SCHIP1: variants seen among roughly 807,000 people sequenced by gnomAD.
SCHIP1 encodes schwannomin-interacting protein 1.
A neutral mutation model predicts 29.7 loss-of-function variants in SCHIP1; 8 were observed. That is an observed-to-expected ratio of 0.27 (90% CI 0.16 to 0.49). The LOEUF (loss-of-function observed/expected upper bound fraction) is 0.49, where lower values mean the gene tolerates loss of function less well. Among genes scored for constraint, SCHIP1 ranks in the 20% least tolerant of loss-of-function variants. SCHIP1 has a pLI of 0.99. For synonymous variants in SCHIP1, 76 were observed against 94.9 expected, an observed-to-expected ratio of 0.80 and a Z score of 1.16; for missense variants, 193 against 294.6, an observed-to-expected ratio of 0.66 and a Z score of 2.52.
At chr3:159,575,752 C>G in the SCHIP1 span, among the ~76,000 whole-genome samples, 1 of 152,038 alleles carries the variant, frequency 6.6e-6, no homozygotes, top group Non-Finnish European at 1.5e-5. Flanking sequence ...TTTTAATTAC[C>G]TTTAAAATGT....
At chr3:159,883,437 G>A (rs1716646035) in intron 2 of SCHIP1, among the ~76,000 whole-genome samples, 1 of 152,038 alleles carries the variant, frequency 6.6e-6, no homozygotes, top group Admixed American at 6.5e-5. Flanking sequence ...GGTGGGCAGG[G>A]TCCTGGAACA....
the SCHIP1 span, among the ~76,000 whole-genome samples, chr3:159,329,746 A>G: frequency 6.6e-6 from 1 of 152,154 alleles, no homozygotes; most frequent in Admixed American, 6.5e-5. Context: ...ACAATCGAAA[A>G]CTGTATGTAG....
the SCHIP1 span, among the ~76,000 whole-genome samples, chr3:159,619,447 C>T: frequency 1.3e-5 from 2 of 152,172 alleles, no homozygotes; most frequent in East Asian, 1.9e-4. Context: ...GAGGGATTAA[C>T]AGACACTGAA....
the SCHIP1 span, among the ~76,000 whole-genome samples, chr3:159,649,299 C>T: frequency 6.6e-6 from 1 of 152,110 alleles, no homozygotes; most frequent in African/African-American, 2.4e-5. Flanking sequence ...TCTCTCTCTA[C>T]CCCAAAAGTG....
the SCHIP1 span, among the ~76,000 whole-genome samples, chr3:159,766,052 G>C: frequency 8.5e-5 from 13 of 152,108 alleles, no homozygotes; most frequent in Non-Finnish European, 1.8e-4. Context: ...CCATCATGAA[G>C]GTAGCTCCCC....
chr3:159,496,455 T>G, the SCHIP1 span, among the ~76,000 whole-genome samples: 3 of 152,018 alleles, frequency 2.0e-5, no homozygotes, highest in African/African-American at 2.4e-5. Flanking sequence ...GATATGAACA[T>G]ACACTTCTCA....
At chr3:159,831,083 G>A in the SCHIP1 span, among the ~76,000 whole-genome samples, 1 of 152,156 alleles carries the variant, frequency 6.6e-6, no homozygotes, top group Admixed American at 6.5e-5. Context: ...ATTCCCTCTG[G>A]CTTCCTCTGT....
the SCHIP1 span, among the ~76,000 whole-genome samples, chr3:159,666,811 G>C: frequency 2.6e-5 from 4 of 152,212 alleles, no homozygotes; most frequent in Non-Finnish European, 4.4e-5. Flanking sequence ...CTTGGCCAGA[G>C]AGCAATGGTG....
chr3:159,309,617 G>C, the SCHIP1 span, among the ~76,000 whole-genome samples: 3 of 152,066 alleles, frequency 2.0e-5, no homozygotes, highest in Non-Finnish European at 4.4e-5. Context: ...CAGGTTATCA[G>C]ATCATACACT....
the SCHIP1 span, among the ~76,000 whole-genome samples, chr3:159,672,056 A>C: frequency 1.3e-5 from 2 of 152,232 alleles, no homozygotes; most frequent in Non-Finnish European, 2.9e-5. Flanking sequence ...TTGGAACCTC[A>C]AATGTCACTA....
the SCHIP1 span, among the ~76,000 whole-genome samples, chr3:159,759,664 A>ATT: frequency 6.6e-6 from 1 of 152,172 alleles, no homozygotes; most frequent in Non-Finnish European, 1.5e-5. Context: ...GGGCTGTTAA[A>ATT]TATCTCCATG....
chr3:159,589,072 C>T, the SCHIP1 span, among the ~76,000 whole-genome samples: 1 of 152,148 alleles, frequency 6.6e-6, no homozygotes, highest in Non-Finnish European at 1.5e-5. Flanking sequence ...CCATTTTTCA[C>T]AACATTGATT....
the SCHIP1 span, among the ~76,000 whole-genome samples, chr3:159,580,969 T>C: frequency 6.6e-6 from 1 of 152,160 alleles, no homozygotes; most frequent in Non-Finnish European, 1.5e-5. Flanking sequence ...AAAAATTGTG[T>C]CTCTTTTTAG....
the SCHIP1 span, among the ~76,000 whole-genome samples, chr3:159,734,135 C>CT: frequency 0.018 from 1,797 of 100,930 alleles, 46 homozygotes; most frequent in African/African-American, 0.029. Flanking sequence ...TTATTGTTTA[C>CT]TTTTTTTTTT....
At chr3:159,746,097 A>C in the SCHIP1 span, among the ~76,000 whole-genome samples, 17 of 152,230 alleles carry the variant, frequency 1.1e-4, no homozygotes, top group Admixed American at 1.0e-3. Context: ...GTACTATACA[A>C]TTACGTAAAT....
chr3:159,779,285 G>A, the SCHIP1 span, among the ~76,000 whole-genome samples: 1 of 152,164 alleles, frequency 6.6e-6, no homozygotes, highest in Non-Finnish European at 1.5e-5. Context: ...GGCACATCAG[G>A]ATGTTCAATA....
rs76787261 is a variant in SCHIP1, at chr3:159,871,309, T to C, written c.149+5028T>C. On this transcript the variant is annotated intron_variant, in intron 2 of 6. Transcript: ENST00000445224. The stretch of plus-strand genomic sequence containing the variant: ...TTAAAAGTAAACGTTCTCGTACCCA[T>C]CACTTTGTCCGGTCTTACCCTGCTT... 2.3e-4 allele frequency among the ~76,000 whole-genome samples: 32 copies of C among 140,224 alleles called. 1 individual carries two copies. In the East Asian group the frequency reaches 7.1e-3, roughly 31 times the overall value. 92.0% of individuals were successfully genotyped at this position (140,224 alleles called of 152,430 possible).
the SCHIP1 span, among the ~76,000 whole-genome samples, chr3:159,432,171 A>G: frequency 6.6e-6 from 1 of 152,044 alleles, no homozygotes; most frequent in Non-Finnish European, 1.5e-5. Flanking sequence ...GCTCTCACAC[A>G]ACAGAAGTTA....
chr3:159,580,677 G>C, the SCHIP1 span, among the ~76,000 whole-genome samples: 4 of 152,296 alleles, frequency 2.6e-5, no homozygotes, highest in African/African-American at 9.6e-5. Flanking sequence ...AGCCTCAGAA[G>C]ACAGTACGTA....
Sources: gnomAD v4.1 joint callset for allele counts (sites outside exome capture counted in the v4.1 genomes callset) on GRCh38, gnomAD v4.1.1 for gene constraint, MANE v1.5 for transcripts, NCBI Gene and HGNC (gene_info 2026-07-23, HGNC 2026-07-21) for gene names.